The following RBFOX1 variants were observed in gnomAD, a reference collection of about 807,000 sequenced individuals.
RBFOX1 encodes RNA binding protein fox-1 homolog 1.
A neutral mutation model predicts 57.7 loss-of-function variants in RBFOX1; 8 were observed. That is an observed-to-expected ratio of 0.14 (90% CI 0.08 to 0.25). The LOEUF (loss-of-function observed/expected upper bound fraction) is 0.25. Among genes scored for constraint, RBFOX1 ranks in the 10% least tolerant of loss-of-function variants. RBFOX1 has a pLI of 1.00. For missense variants in RBFOX1, 611 were observed against 548.5 expected, an observed-to-expected ratio of 1.11 and a Z score of -1.14; for synonymous variants, 326 against 222.4, an observed-to-expected ratio of 1.47 and a Z score of -4.15.
At position 5,569,496 on chromosome 16, in the gene RBFOX1, T is replaced by C. The variant is rs73526342; in HGVS notation, c.259-29406T>C. Among the ~76,000 whole-genome samples the C allele has an allele frequency of 4.6e-3, 673 of 144,886 alleles. 11 individuals carry two copies. The highest frequency in any genetic ancestry group is 0.016 in the African/African-American group (645 of 39,802). ...CTTCTTTTTGGAGTACTCTCTATGT[T>C]CTGGCCACTGTGCTAGGAAATTCAG... On this transcript the variant is annotated intron_variant, in intron 2 of 2. Transcript: ENST00000585867.
chr16:7,583,562 C>T (rs1384010023), intron 6 of RBFOX1, among the ~76,000 whole-genome samples: 1 of 152,194 alleles, frequency 6.6e-6, no homozygotes. Context: ...TCTGCTACAA[C>T]AGATGGATGG....
intron 2 of RBFOX1, among the ~76,000 whole-genome samples, chr16:6,644,158 A>G (rs2098514760): frequency 6.6e-6 from 1 of 152,172 alleles, no homozygotes; most frequent in Non-Finnish European, 1.5e-5. Context: ...TAAAATCACC[A>G]GTATGCTCTT....
At chr16:5,956,356 A>G (rs998190907) in intron 4 of RBFOX1, among the ~76,000 whole-genome samples, 3 of 152,104 alleles carry the variant, frequency 2.0e-5, no homozygotes, top group Non-Finnish European at 4.4e-5. Context: ...AATTTTTAGT[A>G]TAAATATGTT....
intron 4 of RBFOX1, among the ~76,000 whole-genome samples, chr16:5,965,994 C>T (rs148437940): frequency 1.3e-5 from 2 of 152,296 alleles, no homozygotes; most frequent in African/African-American, 4.8e-5. Context: ...ATTCTTGCTG[C>T]CCCCAACAGT....
chr16:5,808,883 CCT>C (rs1488568994), intron 3 of RBFOX1, among the ~76,000 whole-genome samples: 1 of 152,076 alleles, frequency 6.6e-6, no homozygotes, highest in African/African-American at 2.4e-5. Flanking sequence ...AATTTGACTC[CCT>C]GTTTTCCTAA....
At chr16:5,978,660 T>TC (rs1413825489) in intron 4 of RBFOX1, among the ~76,000 whole-genome samples, 1 of 148,884 alleles carries the variant, frequency 6.7e-6, no homozygotes, top group Non-Finnish European at 1.5e-5. Flanking sequence ...TCAAAGTGTT[T>TC]TTTTTGTTTT....
chr16:5,642,076 C>G (rs918795192), intron 3 of RBFOX1, among the ~76,000 whole-genome samples: 7 of 152,132 alleles, frequency 4.6e-5, no homozygotes, highest in Admixed American at 3.9e-4. Context: ...ATGGTCTGGA[C>G]TTAGGGAAAG....
intron 1 of RBFOX1, among the ~76,000 whole-genome samples, chr16:6,034,928 C>A (rs913188297): frequency 4.3e-5 from 5 of 115,950 alleles, no homozygotes; most frequent in South Asian, 2.7e-4. Flanking sequence ...CTAGGCTTAA[C>A]CATTGAGCTG....
intron 3 of RBFOX1, among the ~76,000 whole-genome samples, chr16:7,040,978 C>A (rs866984976): frequency 5.9e-5 from 9 of 151,334 alleles, no homozygotes; most frequent in African/African-American, 2.2e-4. Flanking sequence ...TGCAATGATG[C>A]AATCTCTGCT....
intron 2 of RBFOX1, among the ~76,000 whole-genome samples, chr16:5,586,060 C>A (rs6500700): frequency 0.24 from 36,733 of 151,960 alleles, 5,620 homozygotes; most frequent in East Asian, 0.47. Flanking sequence ...AGACACAGTG[C>A]CGTGCAGAGA....
intron 3 of RBFOX1, among the ~76,000 whole-genome samples, chr16:6,857,093 G>A (rs929209741): frequency 1.3e-5 from 2 of 152,112 alleles, no homozygotes; most frequent in Non-Finnish European, 2.9e-5. Context: ...GTTGTGAAGT[G>A]ATTGCTTCAA....
At chr16:6,289,112 A>C (rs146849903) in intron 1 of RBFOX1, among the ~76,000 whole-genome samples, 1 of 152,288 alleles carries the variant, frequency 6.6e-6, no homozygotes, top group African/African-American at 2.4e-5. Context: ...TATTTCTGGA[A>C]TAAAAAGGGA....
At chr16:7,682,442 C>T (rs1280155727) in intron 14 of RBFOX1, among the ~76,000 whole-genome samples, 1 of 151,848 alleles carries the variant, frequency 6.6e-6, no homozygotes, top group Non-Finnish European at 1.5e-5. Context: ...AAGCCACTTG[C>T]AAGTTTGAGT....
At chr16:6,352,283 G>A (rs892080323) in intron 2 of RBFOX1, among the ~76,000 whole-genome samples, 1 of 152,084 alleles carries the variant, frequency 6.6e-6, no homozygotes, top group East Asian at 1.9e-4. Context: ...AGGCAGGGGG[G>A]TTGTTTCTTT....
chr16:7,036,608 G>C (rs901157501), intron 3 of RBFOX1, among the ~76,000 whole-genome samples: 4 of 151,838 alleles, frequency 2.6e-5, no homozygotes, highest in African/African-American at 9.7e-5. Context: ...CTGGAGAATC[G>C]CTTGAAACCG....
chr16:5,316,484 A>G (rs142017369), intron 1 of RBFOX1, among the ~76,000 whole-genome samples: 9 of 152,274 alleles, frequency 5.9e-5, no homozygotes, highest in African/African-American at 2.2e-4. Context: ...CTCCATTGCT[A>G]TGAGAACACC....
At chr16:5,313,803 C>T (rs763016071) in intron 1 of RBFOX1, among the ~76,000 whole-genome samples, 1 of 151,736 alleles carries the variant, frequency 6.6e-6, no homozygotes, top group Non-Finnish European at 1.5e-5. Context: ...TCCCACAACA[C>T]GTGGGAATGG....
At chr16:7,012,792 C>T (rs1003164659) in intron 3 of RBFOX1, among the ~76,000 whole-genome samples, 7 of 152,146 alleles carry the variant, frequency 4.6e-5, no homozygotes, top group African/African-American at 1.4e-4. Context: ...CCCATTTTAA[C>T]AAACTGATAT....
At chr16:7,388,000 G>A (rs2097913425) in intron 4 of RBFOX1, among the ~76,000 whole-genome samples, 1 of 151,880 alleles carries the variant, frequency 6.6e-6, no homozygotes, top group Non-Finnish European at 1.5e-5. Context: ...GGGAAAAAGA[G>A]CAAAGCAAAC....
Sources: allele counts gnomAD v4.1 joint callset (sites outside exome capture counted in the v4.1 genomes callset), GRCh38; gene constraint gnomAD v4.1.1; transcripts MANE v1.5; gene names NCBI Gene and HGNC (gene_info 2026-07-23, HGNC 2026-07-21).